BLTP1: variants seen among roughly 807,000 people sequenced by gnomAD.
The protein encoded by BLTP1 is bridge-like lipid transfer protein family member 1, also known as fragile site-associated protein.
At chr4:122,346,917 A>G in the BLTP1 span, 1 of 900,514 alleles carries the variant, frequency 1.1e-6, no homozygotes, top group Non-Finnish European at 1.3e-6. Flanking sequence ...ACCACAAGGG[A>G]TATATTAGCA....
At chr4:122,325,455 G>A in the BLTP1 span, 1 of 1,375,162 alleles carries the variant, frequency 7.3e-7, no homozygotes, top group Admixed American at 3.2e-5. Context: ...ACTGAACTGT[G>A]CATATTACCA....
the BLTP1 span, chr4:122,209,309 C>G: frequency 1.2e-6 from 2 of 1,612,266 alleles, no homozygotes; most frequent in Non-Finnish European, 1.7e-6. Flanking sequence ...AACAGTTAAA[C>G]CAAAATGGCG....
At chr4:122,170,578 ATC>A in the BLTP1 span, 654 of 1,458,646 alleles carry the variant, frequency 4.5e-4, 5 homozygotes, top group Non-Finnish European at 8.0e-5. Flanking sequence ...AATTTTATAA[ATC>A]TCTGATTCTA....
the BLTP1 span, chr4:122,276,453 T>TG: frequency 1.0e-6 from 1 of 978,562 alleles, no homozygotes. Context: ...GTATTTAAGA[T>TG]GGGGAGAGTT....
At chr4:122,192,955 A>C in the BLTP1 span, among the ~76,000 whole-genome samples, 2 of 152,220 alleles carry the variant, frequency 1.3e-5, no homozygotes, top group African/African-American at 2.4e-5. Context: ...GTCCTCCAAC[A>C]AGGTGGTGGC....
chr4:122,353,753 T>A, the BLTP1 span: 2 of 1,532,800 alleles, frequency 1.3e-6, no homozygotes, highest in Non-Finnish European at 1.8e-6. This position sits in a 1 kb window ranked among gnomAD's most constrained non-coding sequence, Gnocchi z 4.3. Context: ...GAGGCCACAA[T>A]TATCATCTTG....
At chr4:122,299,927 G>A in the BLTP1 span, 1 of 984,962 alleles carries the variant, frequency 1.0e-6, no homozygotes, top group Middle Eastern at 5.2e-4. Context: ...AAAGGTACAA[G>A]CGTACAGGCA....
At chr4:122,279,122 G>A in the BLTP1 span, among the ~76,000 whole-genome samples, 1 of 152,216 alleles carries the variant, frequency 6.6e-6, no homozygotes, top group Non-Finnish European at 1.5e-5. Flanking sequence ...TTTGTTTGGA[G>A]TTGATCTGGG....
At chr4:122,187,704 TTAAG>T in the BLTP1 span, 13 of 454,404 alleles carry the variant, frequency 2.9e-5, no homozygotes, top group Non-Finnish European at 3.8e-5. Context: ...TTAAATTTCT[TTAAG>T]TACTTAAATT....
the BLTP1 span, chr4:122,353,182 C>A: frequency 1.2e-5 from 19 of 1,607,806 alleles, 1 homozygote; most frequent in South Asian, 2.0e-4. This position sits in a 1 kb window ranked among gnomAD's most constrained non-coding sequence, Gnocchi z 4.3. Context: ...CCAGCTTTTA[C>A]TTTCTCCTAT....
At chr4:122,255,294 G>A in the BLTP1 span, 1 of 1,559,216 alleles carries the variant, frequency 6.4e-7, no homozygotes. Flanking sequence ...GTAAGTTACT[G>A]AAACTACATT....
At chr4:122,359,368 C>A in the BLTP1 span, 1 of 920,502 alleles carries the variant, frequency 1.1e-6, no homozygotes, top group Non-Finnish European at 1.3e-6. Flanking sequence ...TTAATGTTGA[C>A]ACTGTTAATC....
the BLTP1 span, chr4:122,263,630 C>G: frequency 1.4e-6 from 2 of 1,448,558 alleles, no homozygotes; most frequent in Non-Finnish European, 1.9e-6. Context: ...TTTTGCTTAA[C>G]TGTCTTAAGG....
At chr4:122,356,801 G>A in the BLTP1 span, 19 of 1,583,494 alleles carry the variant, frequency 1.2e-5, no homozygotes, top group African/African-American at 2.2e-4. Context: ...AATGGCAGCT[G>A]TCAATGCCAT....
At chr4:122,227,465 AT>A in the BLTP1 span, 1 of 985,374 alleles carries the variant, frequency 1.0e-6, no homozygotes, top group Non-Finnish European at 1.2e-6. Context: ...TCTTCCCCTG[AT>A]TTTGGAAGCA....
chr4:122,170,073 G>A, the BLTP1 span: 7 of 763,292 alleles, frequency 9.2e-6, no homozygotes, highest in South Asian at 1.2e-4. Flanking sequence ...TTGGGAGGTC[G>A]AGGCAGGCGG....
chr4:122,305,428 A>AT, the BLTP1 span: 63 of 956,858 alleles, frequency 6.6e-5, 1 homozygote, highest in East Asian at 1.7e-3. Flanking sequence ...CTTATTGGAG[A>AT]TTTTTTTTGT....
the BLTP1 span, chr4:122,334,568 A>AT: frequency 6.3e-7 from 1 of 1,593,932 alleles, no homozygotes; most frequent in Non-Finnish European, 8.5e-7. Context: ...TATATACTTT[A>AT]TTTTTTGTCA....
At chr4:122,307,783 A>G in the BLTP1 span, 3 of 985,080 alleles carry the variant, frequency 3.0e-6, no homozygotes, top group African/African-American at 5.2e-5. Context: ...TATTTAAAAA[A>G]TGGTGACTAT....
Sources: gnomAD v4.1 joint callset for allele counts (sites outside exome capture counted in the v4.1 genomes callset) on GRCh38, gnomAD v4.1.1 for gene constraint, Gnocchi (gnomAD v3.1) non-coding constraint, MANE v1.5 for transcripts, NCBI Gene and HGNC (gene_info 2026-07-23, HGNC 2026-07-21) for gene names.